The following CYP2C18 variants were observed in gnomAD, a reference collection of about 807,000 sequenced individuals.
CYP2C18 encodes the protein cytochrome P450 family 2 subfamily C member 18.
Under a neutral mutation model 41.3 loss-of-function variants are expected in CYP2C18, and 38 were observed. The ratio of observed to expected loss-of-function variants is 0.92; its 90% CI spans 0.71 to 1.21. CYP2C18 has a LOEUF of 1.21. Ranked by LOEUF, CYP2C18 falls within the 50% of genes most tolerant of loss-of-function variation. The probability of loss-of-function intolerance (pLI) is 0.00; values close to 1 mark genes in which losing one functional copy is unlikely to be tolerated. For missense variants in CYP2C18, 635 were observed against 591.4 expected, an observed-to-expected ratio of 1.07 and a Z score of -0.77; for synonymous variants, 236 against 210.0, an observed-to-expected ratio of 1.12 and a Z score of -1.07.
intron 4 of CYP2C18, among the ~76,000 whole-genome samples, chr10:94,703,998 G>A (rs1178286741): frequency 1.3e-5 from 2 of 152,298 alleles, no homozygotes; most frequent in Middle Eastern, 3.4e-3. Flanking sequence ...TCCCCAACCC[G>A]TTGTGCTTCC....
Position 94,701,630 on chromosome 10 carries a change from A to T in CYP2C18, c.643-5154A>T, listed in dbSNP as rs182453909. On this transcript the variant is annotated intron_variant, in intron 4 of 8. Coordinates refer to ENST00000285979, the MANE Select transcript of CYP2C18 (RefSeq NM_000772.3). Reference sequence around the variant, plus strand: ...ACTTAAAGTATAATAAAAAATAATTAAAAAAAGAAATTCCTCTCCACCTCT... The same window carrying T: ...ACTTAAAGTATAATAAAAAATAATTTAAAAAAGAAATTCCTCTCCACCTCT... Among the ~76,000 whole-genome samples, 81 of 152,300 alleles carry T rather than the reference A, an allele frequency of 5.3e-4. 1 individual carries two copies. The highest frequency in any genetic ancestry group is 1.8e-3 in the African/African-American group (76 of 41,572).
At chr10:94,697,212 G>A (rs531015119) in intron 4 of CYP2C18, among the ~76,000 whole-genome samples, 2 of 152,188 alleles carry the variant, frequency 1.3e-5, no homozygotes, top group Admixed American at 6.5e-5. Flanking sequence ...AGGAAAAAAT[G>A]TTAAGGGCAG....
At chr10:94,720,357 C>A in intron 5 of CYP2C18, 39 bp from the exon 6 acceptor site, 2 of 1,528,200 alleles carry the variant, frequency 1.3e-6, no homozygotes, top group Non-Finnish European at 1.8e-6. Context: ...AATATGCTGG[C>A]AAACTACCAA....
At position 94,706,846 on chromosome 10, in the gene CYP2C18, A is replaced by C. The variant is rs747780145; in HGVS notation, c.705A>C (p.Glu235Asp). ...CAGGAAGTCATAATAAAATAGCTGA[A>C]AATTTTGCTTACATTAAAAGTTATG... ...YLPGSHNKIA[E>D]NFAYIKSYVL... is the part of the protein sequence containing the mutation. The change falls in exon 5 of 9, where the codon GAA becomes GAC. Residue 235 changes from glutamate to aspartate, a missense_variant. By Grantham distance (45) the Glu-to-Asp change is conservative. Coordinates refer to ENST00000285979, the MANE Select transcript of CYP2C18 (RefSeq NM_000772.3). 2.8e-5 allele frequency: 45 copies of C among 1,609,594 alleles called. No homozygotes were observed. The highest frequency in any genetic ancestry group is 3.6e-5 in the Non-Finnish European group (42 of 1,176,584).
chr10:94,728,238 A>C (rs1027948922), intron 7 of CYP2C18, among the ~76,000 whole-genome samples: 1 of 152,036 alleles, frequency 6.6e-6, no homozygotes, highest in East Asian at 1.9e-4. Flanking sequence ...TTTTTTTGAC[A>C]ATTAGATTCC....
chr10:94,704,788 C>T lies in CYP2C18; in HGVS notation c.643-1996C>T, dbSNP rs892381144. On this transcript the variant is annotated intron_variant, in intron 4 of 8. Coordinates refer to ENST00000285979, the MANE Select transcript of CYP2C18 (RefSeq NM_000772.3). ...TTGAACATCCCATTTTCCAAAGAAACTGTCTCCCAGCTTTTATTCTCAGGA... is the reference window on the plus strand; with the variant it reads ...TTGAACATCCCATTTTCCAAAGAAATTGTCTCCCAGCTTTTATTCTCAGGA... 7.2e-5 allele frequency among the ~76,000 whole-genome samples: 11 copies of T among 152,186 alleles called. 1 individual carries two copies. Among genetic ancestry groups the T allele is most frequent in the Non-Finnish European group, 1.3e-4 (9 of 68,024 alleles).
chr10:94,721,461 A>G (rs1044541254), intron 6 of CYP2C18, among the ~76,000 whole-genome samples: 1 of 152,148 alleles, frequency 6.6e-6, no homozygotes, highest in Admixed American at 6.6e-5. Context: ...ATGTTTTGGT[A>G]AATTTCTATT....
chr10:94,702,904 G>A (rs1008727020), intron 4 of CYP2C18, among the ~76,000 whole-genome samples: 11 of 152,140 alleles, frequency 7.2e-5, no homozygotes, highest in Non-Finnish European at 1.3e-4. Flanking sequence ...GGTGACCTTC[G>A]GATGGAGTTT....
chr10:94,710,808 A>G (rs911029329), intron 5 of CYP2C18, among the ~76,000 whole-genome samples: 2 of 152,196 alleles, frequency 1.3e-5, no homozygotes, highest in African/African-American at 4.8e-5. Flanking sequence ...ACTGTGGTTG[A>G]TTACATAATA....
intron 8 of CYP2C18, among the ~76,000 whole-genome samples, chr10:94,734,281 G>T (rs1302119761): frequency 6.6e-6 from 1 of 152,142 alleles, no homozygotes. Context: ...TACAGCTAAA[G>T]TGTGTGGTGA....
chr10:94,725,976 C>T (rs1331596841), intron 7 of CYP2C18, among the ~76,000 whole-genome samples: 5 of 151,970 alleles, frequency 3.3e-5, no homozygotes, highest in African/African-American at 1.2e-4. Context: ...AATCTTTTCT[C>T]CCTTCTCTAT....
chr10:94,718,208 T>C (rs937520175), intron 5 of CYP2C18, among the ~76,000 whole-genome samples: 2 of 152,132 alleles, frequency 1.3e-5, no homozygotes, highest in East Asian at 1.9e-4. Flanking sequence ...TTGATGCTAT[T>C]GTAAATGGGT....
At chr10:94,684,703 T>C (rs1260203967) in intron 1 of CYP2C18, among the ~76,000 whole-genome samples, 1 of 152,136 alleles carries the variant, frequency 6.6e-6, no homozygotes, top group African/African-American at 2.4e-5. Flanking sequence ...TCAATTCCTT[T>C]GGGTATATAC....
intron 4 of CYP2C18, among the ~76,000 whole-genome samples, chr10:94,699,022 G>A (rs898718435): frequency 2.0e-5 from 3 of 152,116 alleles, no homozygotes; most frequent in East Asian, 1.9e-4. Context: ...AGGACCAGAT[G>A]GACTCACAGC....
intron 6 of CYP2C18, 25 bp downstream of exon 6, chr10:94,720,562 G>C (rs1171017880): frequency 1.9e-6 from 3 of 1,601,050 alleles, no homozygotes; most frequent in Admixed American, 1.7e-5. Flanking sequence ...TAGGTGAGCA[G>C]GGTGATTTTC....
chr10:94,696,250 C>G (rs1334696036), intron 4 of CYP2C18, among the ~76,000 whole-genome samples: 1 of 152,036 alleles, frequency 6.6e-6, no homozygotes, highest in Non-Finnish European at 1.5e-5. Context: ...CAGACTGACA[C>G]CTCACATGGC....
intron 3 of CYP2C18, among the ~76,000 whole-genome samples, chr10:94,692,774 G>A (rs1847030228): frequency 6.6e-6 from 1 of 152,062 alleles, no homozygotes; most frequent in Non-Finnish European, 1.5e-5. Flanking sequence ...ACCAACCCAA[G>A]TGTCCAACAA....
intron 5 of CYP2C18, among the ~76,000 whole-genome samples, chr10:94,710,983 C>T (rs1847426637): frequency 6.6e-6 from 1 of 152,112 alleles, no homozygotes. Context: ...ACATATTTCC[C>T]TCATCTTAAA....
chr10:94,683,759 A>C lies in CYP2C18; in HGVS notation c.-61A>C, dbSNP rs1301626358. The C allele has an allele frequency of 2.3e-6, 3 of 1,291,702 alleles. No homozygotes were observed. The Admixed American group carries it at 7.0e-5, about 30-fold the overall frequency. 80.0% of individuals were successfully genotyped at this position (1,291,702 alleles called of 1,614,324 possible). On this transcript the variant is annotated 5_prime_UTR_variant, in exon 1 of 9. Coordinates refer to ENST00000285979, the MANE Select transcript of CYP2C18 (RefSeq NM_000772.3). ...CAGAATCACAGGTGGATTAGTAGGG[A>C]GTGTTATAAAAGCCTTGAAGTGAAA...
Sources: allele counts gnomAD v4.1 joint callset (sites outside exome capture counted in the v4.1 genomes callset), GRCh38; gene constraint gnomAD v4.1.1; transcripts MANE v1.5; gene names NCBI Gene and HGNC (gene_info 2026-07-23, HGNC 2026-07-21).